The following RIN3 variants were observed in gnomAD, a reference collection of about 807,000 sequenced individuals.
RIN3 encodes Ras and Rab interactor 3.
In RIN3, 54 loss-of-function variants were observed where a neutral mutation model predicts 76.3. The observed-to-expected ratio is 0.71, with a 90% confidence interval of 0.57 to 0.89. The LOEUF (loss-of-function observed/expected upper bound fraction) is 0.89, where lower values mean the gene tolerates loss of function less well. Ranked by LOEUF, RIN3 falls within the 40% of genes least tolerant of loss-of-function variation. RIN3 has a pLI of 0.00. For synonymous variants in RIN3, 576 were observed against 564.0 expected, an observed-to-expected ratio of 1.02 and a Z score of -0.30; for missense variants, 1,256 against 1,322.1, an observed-to-expected ratio of 0.95 and a Z score of 0.78.
intron 5 of RIN3, 150 bp from the exon 6 acceptor site, chr14:92,651,432 A>AG: frequency 1.8e-6 from 1 of 553,930 alleles, no homozygotes; most frequent in Non-Finnish European, 3.0e-6. Context: ...AAAGCGTCCA[A>AG]GAGGGGAAAA....
intron 4 of RIN3, among the ~76,000 whole-genome samples, chr14:92,633,844 T>C (rs996303867): frequency 2.3e-5 from 3 of 131,792 alleles, no homozygotes; most frequent in Admixed American, 8.2e-5. Context: ...TTTGCTAAAC[T>C]TTTGTTTTAG....
At chr14:92,665,370 C>CTTTT (rs55818571) in intron 7 of RIN3, among the ~76,000 whole-genome samples, 1 of 83,580 alleles carries the variant, frequency 1.2e-5, no homozygotes, top group Admixed American at 1.4e-4. Context: ...GCCTTTGTCT[C>CTTTT]TTTTTTTTTT....
Position 92,685,289 on chromosome 14 carries a change from A to G in RIN3, c.2631+139A>G, listed in dbSNP as rs1368364273. On this transcript the variant is annotated intron_variant, in intron 9 of 9. Coordinates refer to ENST00000216487, the MANE Select transcript of RIN3 (RefSeq NM_024832.5). The surrounding 1 kb of genome is among the most constrained non-coding windows in gnomAD (Gnocchi z 4.7). ...CCTTAGGGGAGCAGTGAGACTCCCCACACCAGAGGAAGGGCCCCCAGCCCC... is the reference window on the plus strand; with the variant it reads ...CCTTAGGGGAGCAGTGAGACTCCCCGCACCAGAGGAAGGGCCCCCAGCCCC... 3.4e-6 allele frequency: 3 copies of G among 881,934 alleles called. No individual in the cohort carries two copies. The highest frequency in any genetic ancestry group is 3.4e-5 in the African/African-American group (2 of 59,174). 54.6% of individuals were successfully genotyped at this position (881,934 alleles called of 1,614,324 possible). A position where few individuals can be genotyped will look rare whatever the true frequency, so the allele number is the denominator to read the frequency against.
At chr14:92,674,288 G>T (rs745978352) in intron 7 of RIN3, among the ~76,000 whole-genome samples, 1 of 152,222 alleles carries the variant, frequency 6.6e-6, no homozygotes, top group Non-Finnish European at 1.5e-5. Context: ...GTAGCGTGCA[G>T]TTGCCCAGGA....
Position 92,657,532 on chromosome 14 carries a change from T to C in RIN3, c.2027-1629T>C, listed in dbSNP as rs1333202616. Among the ~76,000 whole-genome samples, 5 of 152,198 alleles carry C rather than the reference T, an allele frequency of 3.3e-5. No homozygotes were observed. In the East Asian group the frequency reaches 7.7e-4, roughly 24 times the overall value. ...TGCCAGGAAGAGATCCTGCGGCTCT[T>C]AGATGTGAAGGGGCCGGGAGGGCGT... On this transcript the variant is annotated intron_variant, in intron 6 of 9. Transcript: ENST00000216487.
At chr14:92,538,920 A>G (rs72697234) in intron 1 of RIN3, among the ~76,000 whole-genome samples, 4,855 of 151,816 alleles carry the variant, frequency 0.032, 109 homozygotes, top group Non-Finnish European at 0.05. Flanking sequence ...ATTACAGACA[A>G]TGCTCCCCTG....
At chr14:92,645,681 C>T (rs1291212209) in intron 5 of RIN3, among the ~76,000 whole-genome samples, 7 of 152,168 alleles carry the variant, frequency 4.6e-5, no homozygotes, top group African/African-American at 1.7e-4. Context: ...AAAGGCCGGG[C>T]GCAGTGGCTC....
chr14:92,547,537 G>C (rs1210877449), intron 1 of RIN3, among the ~76,000 whole-genome samples: 1 of 151,138 alleles, frequency 6.6e-6, no homozygotes, highest in East Asian at 1.9e-4. Context: ...TGGGACCATA[G>C]GTGCACACCA....
At chr14:92,683,270 C>T (rs933201810) in intron 8 of RIN3, among the ~76,000 whole-genome samples, 3 of 152,150 alleles carry the variant, frequency 2.0e-5, no homozygotes, top group Non-Finnish European at 2.9e-5. Flanking sequence ...TGGAGGTGGG[C>T]GGCGCTGGGG....
intron 2 of RIN3, among the ~76,000 whole-genome samples, chr14:92,559,609 A>G (rs550671510): frequency 6.6e-6 from 1 of 152,334 alleles, no homozygotes; most frequent in Admixed American, 6.5e-5. Context: ...TGCTCTGTGA[A>G]AGGCAGGGCA....
chr14:92,566,311 C>T (rs1482613446), intron 2 of RIN3, among the ~76,000 whole-genome samples: 1 of 152,190 alleles, frequency 6.6e-6, no homozygotes, highest in African/African-American at 2.4e-5. Flanking sequence ...CCTCAGGTTT[C>T]TCACCTCATG....
Position 92,651,576 on chromosome 14 carries a change from C to T in RIN3, c.533-6C>T, listed in dbSNP as rs1490803245. The T allele has an allele frequency of 7.2e-7, 1 of 1,388,112 alleles. No individual in the cohort carries two copies. Among genetic ancestry groups the T allele is most frequent in the Non-Finnish European group, 9.6e-7 (1 of 1,037,738 alleles). The allele number at this position is 1,388,112 out of a possible 1,614,324, so 86.0% of individuals were successfully genotyped here. A position where few individuals can be genotyped will look rare whatever the true frequency, so the allele number is the denominator to read the frequency against. The stretch of plus-strand genomic sequence containing the variant: ...CTGACCCCCTGCCCCTCTCTTGCTT[C>T]CACAGGTTTCTGGGACTCCTCGCTG... On this transcript the variant is annotated splice_polypyrimidine_tract_variant and splice_region_variant and intron_variant, in intron 5 of 9. Coordinates refer to ENST00000216487, the MANE Select transcript of RIN3 (RefSeq NM_024832.5).
intron 6 of RIN3, among the ~76,000 whole-genome samples, chr14:92,655,921 C>T (rs1887649608): frequency 6.6e-6 from 1 of 152,000 alleles, no homozygotes; most frequent in Admixed American, 6.5e-5. Context: ...GTGGGGAGGT[C>T]GAGCGGGCCA....
intron 1 of RIN3, among the ~76,000 whole-genome samples, chr14:92,527,274 G>A (rs1005275549): frequency 5.9e-5 from 8 of 135,428 alleles, no homozygotes; most frequent in African/African-American, 1.9e-4. Flanking sequence ...CAATGGTCTC[G>A]ATCTCCTGAC....
intron 1 of RIN3, among the ~76,000 whole-genome samples, chr14:92,554,853 G>A (rs907309922): frequency 4.6e-5 from 7 of 152,340 alleles, no homozygotes; most frequent in African/African-American, 1.7e-4. Flanking sequence ...AACCCAGGAG[G>A]CGGAGGCTGC....
Position 92,687,946 on chromosome 14 carries a change from C to T in RIN3, c.2652C>T (p.Tyr884=), listed in dbSNP as rs1166896170. 9.7e-6 allele frequency: 15 copies of T among 1,550,212 alleles called. No individual in the cohort carries two copies. Among genetic ancestry groups the T allele is most frequent in the Non-Finnish European group, 1.2e-5 (14 of 1,148,008 alleles). Residue 884 remains tyrosine, a synonymous_variant, in exon 10 of 10, where the codon TAC becomes TAT. Coordinates refer to ENST00000216487, the MANE Select transcript of RIN3 (RefSeq NM_024832.5). The part of the protein sequence containing the change: ...SSVQDFICVS[Y]LEPEQQARTL... ...CGCAGGACTTCATCTGCGTGTCGTA[C>T]CTGGAGCCCGAGCAGCAGGCGCGGA... is the stretch of plus-strand genomic sequence containing the variant.
At chr14:92,545,677 G>C (rs1897245857) in intron 1 of RIN3, among the ~76,000 whole-genome samples, 2 of 149,940 alleles carry the variant, frequency 1.3e-5, no homozygotes, top group East Asian at 3.9e-4. Context: ...ATCTCCCCGG[G>C]CTCAGGTGAT....
intron 4 of RIN3, among the ~76,000 whole-genome samples, chr14:92,630,744 G>A (rs1298852248): frequency 6.6e-6 from 1 of 152,240 alleles, no homozygotes; most frequent in African/African-American, 2.4e-5. Flanking sequence ...TGGCATCACT[G>A]TATTTTGAGG....
chr14:92,541,177 G>A (rs555443598), intron 1 of RIN3, among the ~76,000 whole-genome samples: 85 of 152,320 alleles, frequency 5.6e-4, no homozygotes, highest in African/African-American at 2.0e-3. Context: ...ATCCATTCTT[G>A]TAATGGTTAC....
Sources: allele counts gnomAD v4.1 joint callset (sites outside exome capture counted in the v4.1 genomes callset), GRCh38; gene constraint gnomAD v4.1.1; non-coding constraint Gnocchi (gnomAD v3.1); transcripts MANE v1.5; gene names NCBI Gene and HGNC (gene_info 2026-07-23, HGNC 2026-07-21).